Variants in ARPP21 observed in about 807,000 individuals in gnomAD.
ARPP21 encodes the protein cAMP-regulated phosphoprotein 21.
Under a neutral mutation model 113.2 loss-of-function variants are expected in ARPP21, and 69 were observed. The observed-to-expected ratio is 0.61, with a 90% confidence interval of 0.50 to 0.74. The LOEUF (loss-of-function observed/expected upper bound fraction) is 0.74, where lower values mean the gene tolerates loss of function less well. ARPP21 is among the 30% of genes least tolerant of loss of function. ARPP21 has a pLI of 0.00. For synonymous variants in ARPP21, 368 were observed against 375.5 expected (o/e 0.98, Z 0.23); for missense variants, 1,070 against 1,037.4 (o/e 1.03, Z -0.43).
At chr3:35,671,217 A>G (rs528509903) in intron 1 of ARPP21, among the ~76,000 whole-genome samples, 58 of 152,122 alleles carry the variant, frequency 3.8e-4, no homozygotes, top group South Asian at 1.2e-3. Flanking sequence ...CCTGCAGTAC[A>G]TCCACACCCA....
chr3:35,759,676 C>CTGTG lies in ARPP21; in HGVS notation c.2137+15739_2137+15742dup, dbSNP rs57456659. On this transcript the variant is annotated intron_variant, in intron 19 of 20. Coordinates refer to ENST00000684406, the MANE Select transcript of ARPP21 (RefSeq NM_001385562.1). Reference sequence around the variant, plus strand: ...ATTTTTTTCCTTTCATTTTCTCTCTCTGTGTGTGTGTGTGTGTGTGTGTGT... The same window carrying CTGTG: ...ATTTTTTTCCTTTCATTTTCTCTCTCTGTGTGTGTGTGTGTGTGTGTGTGTGTGT... 4.5e-3 allele frequency among the ~76,000 whole-genome samples: 639 copies of CTGTG among 140,862 alleles called. 7 individuals carry two copies. The highest frequency in any genetic ancestry group is 0.012 in the African/African-American group (469 of 37,764). The allele number at this position is 140,862 out of a possible 152,430, so 92.4% of individuals were successfully genotyped here. A position where few individuals can be genotyped will look rare whatever the true frequency, so the allele number is the denominator to read the frequency against.
chr3:35,650,640 G>T (rs892764299), intron 1 of ARPP21, among the ~76,000 whole-genome samples: 2 of 152,074 alleles, frequency 1.3e-5, no homozygotes, highest in Admixed American at 6.6e-5. Context: ...CCACTGAGAA[G>T]CTTTGGTGGA....
intron 9 of ARPP21, among the ~76,000 whole-genome samples, chr3:35,704,644 T>C (rs2087980647): frequency 6.6e-6 from 1 of 152,056 alleles, no homozygotes; most frequent in Non-Finnish European, 1.5e-5. Context: ...ACTAACCAAA[T>C]TATCTTCTGA....
chr3:35,726,545 A>G (rs2093552667), intron 14 of ARPP21, among the ~76,000 whole-genome samples: 1 of 152,230 alleles, frequency 6.6e-6, no homozygotes. Context: ...GTGGAATCAA[A>G]TCATTTACAT....
At chr3:35,688,404 T>C (rs2081239443) in intron 6 of ARPP21, among the ~76,000 whole-genome samples, 2 of 151,592 alleles carry the variant, frequency 1.3e-5, no homozygotes, top group African/African-American at 4.8e-5. Flanking sequence ...TATCAAGTAA[T>C]GTTTATTTAA....
intron 9 of ARPP21, among the ~76,000 whole-genome samples, chr3:35,696,234 T>A (rs2083971165): frequency 1.3e-5 from 2 of 151,540 alleles, no homozygotes; most frequent in African/African-American, 2.4e-5. Flanking sequence ...CACCAAGGCA[T>A]GGGGCTGGAA....
At chr3:35,687,508 A>G (rs4678796) in intron 5 of ARPP21, among the ~76,000 whole-genome samples, 15,828 of 151,464 alleles carry the variant, frequency 0.1, 869 homozygotes, top group Non-Finnish European at 0.12. Context: ...GTTAATATTC[A>G]TAAGGCAAAG....
chr3:35,710,147 T>C (rs931557191), intron 11 of ARPP21, among the ~76,000 whole-genome samples: 23 of 152,250 alleles, frequency 1.5e-4, no homozygotes, highest in African/African-American at 5.3e-4. Flanking sequence ...TTGAACACAC[T>C]GAAATAGAAT....
intron 19 of ARPP21, among the ~76,000 whole-genome samples, chr3:35,779,560 T>C (rs2096472961): frequency 6.7e-6 from 1 of 148,692 alleles, no homozygotes; most frequent in Non-Finnish European, 1.5e-5. Flanking sequence ...ATACTCAAGA[T>C]AAATGAATGT....
At position 35,737,252 on chromosome 3, in the gene ARPP21, G is replaced by C. The variant is rs374241256; in HGVS notation, c.1534G>C (p.Ala512Pro). The change falls in exon 16 of 21, where the codon GCC (alanine) becomes CCC (proline). Residue 512 changes from alanine (A) to proline (P), a missense_variant. Physicochemically the swap from Ala to Pro is conservative, Grantham distance 27 (BLOSUM62 -1). Coordinates refer to ENST00000684406, the MANE Select transcript of ARPP21 (RefSeq NM_001385562.1). ...CACCAGTCAGCAGCCCCTGCGAAGCGCCATGGTGGGGCAGTCCCAACAGCA... is the reference window on the plus strand; with the variant it reads ...CACCAGTCAGCAGCCCCTGCGAAGCCCCATGGTGGGGCAGTCCCAACAGCA... ...PPTSQQPLRS[A>P]MVGQSQQQPP... 1 of 1,612,668 alleles carries C rather than the reference G, an allele frequency of 6.2e-7. No individual in the cohort carries two copies. Among genetic ancestry groups the C allele is most frequent in the Non-Finnish European group, 8.5e-7 (1 of 1,179,144 alleles).
At position 35,755,873 on chromosome 3, in the gene ARPP21, T is replaced by C. The variant is rs2095551561; in HGVS notation, c.2137+11908T>C. Among the ~76,000 whole-genome samples the C allele has an allele frequency of 2.6e-5, 4 of 152,138 alleles. No homozygotes were observed. In the South Asian group the frequency reaches 8.3e-4, roughly 31 times the overall value. The stretch of plus-strand genomic sequence containing the variant: ...CATTTCCAAGAACTACACATTTGGG[T>C]AAAAACTTTAGTGGTATTCCAATTT... On this transcript the variant is annotated intron_variant, in intron 19 of 20. Coordinates refer to ENST00000684406, the MANE Select transcript of ARPP21 (RefSeq NM_001385562.1).
chr3:35,794,031 C>G lies in ARPP21; in HGVS notation c.*73C>G. The G allele has an allele frequency of 6.5e-6, 9 of 1,383,718 alleles. No homozygotes were observed. The highest frequency in any genetic ancestry group is 9.0e-6 in the Non-Finnish European group (9 of 1,001,770). The allele number at this position is 1,383,718 out of a possible 1,614,324, so 85.7% of individuals were successfully genotyped here. A position where few individuals can be genotyped will look rare whatever the true frequency, so the allele number is the denominator to read the frequency against. On this transcript the variant is annotated 3_prime_UTR_variant, in exon 21 of 21. Transcript: ENST00000684406. ...ATGGAAGAGGAACAAGGTGGGAAAA[C>G]TGGCTGAGGACTTAAGTATTCACTC...
At chr3:35,756,685 C>T (rs1472168711) in intron 19 of ARPP21, among the ~76,000 whole-genome samples, 1 of 152,090 alleles carries the variant, frequency 6.6e-6, no homozygotes, top group Non-Finnish European at 1.5e-5. Flanking sequence ...CCCAGATGCT[C>T]TTACTGCTTT....
At chr3:35,776,632 CATAG>C (rs1559931240) in intron 19 of ARPP21, among the ~76,000 whole-genome samples, 2 of 152,190 alleles carry the variant, frequency 1.3e-5, no homozygotes, top group Non-Finnish European at 2.9e-5. Context: ...GAAGTGTAAG[CATAG>C]CTTTGATTAG....
At chr3:35,683,957 CT>C in intron 5 of ARPP21, 142 bp downstream of exon 5, 1 of 1,239,352 alleles carries the variant, frequency 8.1e-7, no homozygotes, top group Non-Finnish European at 1.2e-6. Flanking sequence ...TTATCCCCTG[CT>C]TATGCAACAT....
At chr3:35,788,030 G>T (rs2096667376) in intron 19 of ARPP21, among the ~76,000 whole-genome samples, 1 of 152,140 alleles carries the variant, frequency 6.6e-6, no homozygotes. Context: ...TCACTGTTTG[G>T]CTTAGAGTAA....
At chr3:35,720,234 C>G (rs1329228401) in intron 13 of ARPP21, among the ~76,000 whole-genome samples, 2 of 152,184 alleles carry the variant, frequency 1.3e-5, no homozygotes, top group Non-Finnish European at 2.9e-5. Flanking sequence ...TGTGAATATT[C>G]TGTACCCCTT....
At chr3:35,649,135 G>A (rs546252558) in intron 1 of ARPP21, among the ~76,000 whole-genome samples, 1 of 152,230 alleles carries the variant, frequency 6.6e-6, no homozygotes, top group South Asian at 2.1e-4. Flanking sequence ...AAAGTTTGTT[G>A]AATTAAAAAT....
At chr3:35,721,930 A>G (rs1055066570) in intron 14 of ARPP21, 96 bp downstream of exon 14, 19 of 729,092 alleles carry the variant, frequency 2.6e-5, no homozygotes, top group Non-Finnish European at 3.6e-5. Context: ...GTTGACTGAT[A>G]ATGATGATAT....
Sources: allele counts gnomAD v4.1 joint callset (sites outside exome capture counted in the v4.1 genomes callset), GRCh38; gene constraint gnomAD v4.1.1; transcripts MANE v1.5; gene names NCBI Gene and HGNC (gene_info 2026-07-23, HGNC 2026-07-21).